The following SLC5A10 variants were observed in gnomAD, a reference collection of about 807,000 sequenced individuals.
SLC5A10 encodes sodium/mannose cotransporter SLC5A10.
A neutral mutation model predicts 68.9 loss-of-function variants in SLC5A10; 55 were observed. That is an observed-to-expected ratio of 0.80 (90% confidence interval 0.64 to 1.00). The LOEUF (loss-of-function observed/expected upper bound fraction) is 1.00. Ranked by LOEUF, SLC5A10 falls within the 50% of genes least tolerant of loss-of-function variation. SLC5A10 has a pLI of 0.00. For missense variants in SLC5A10, 732 were observed against 819.3 expected, an observed-to-expected ratio of 0.89 and a Z score of 1.30; for synonymous variants, 344 against 344.8, an observed-to-expected ratio of 1.00 and a Z score of 0.02.
intron 5 of SLC5A10, among the ~76,000 whole-genome samples, chr17:18,965,314 T>C (rs544714763): frequency 1.3e-5 from 2 of 152,100 alleles, no homozygotes; most frequent in South Asian, 4.1e-4. Context: ...ATGGCCTCCA[T>C]GGAAATGGGC....
intron 9 of SLC5A10, among the ~76,000 whole-genome samples, chr17:18,998,018 C>G (rs1478695012): frequency 2.6e-5 from 4 of 152,224 alleles, no homozygotes; most frequent in African/African-American, 4.8e-5. Context: ...AAGATAACAC[C>G]AGAGCTGGGG....
Position 18,969,369 on chromosome 17 carries a change from A to G in SLC5A10, c.587A>G (p.Asp196Gly). 1 of 1,613,628 alleles carries G rather than the reference A, an allele frequency of 6.2e-7. No homozygotes were observed. The highest frequency in any genetic ancestry group is 8.5e-7 in the Non-Finnish European group (1 of 1,180,008). The change falls in exon 7 of 15, where the codon GAC (aspartate) becomes GGC (glycine). Residue 196 changes from aspartate (D) to glycine (G), a missense_variant. Transcript: ENST00000395645. ...AGGLAAVIYT[D>G]ALQTLIMVVG... ...GGCCTGGCTGCTGTAATCTACACGGACGCCCTGCAGACGCTCATCATGGTG... is the reference window on the plus strand; with the variant it reads ...GGCCTGGCTGCTGTAATCTACACGGGCGCCCTGCAGACGCTCATCATGGTG...
At chr17:18,958,817 G>A in intron 2 of SLC5A10, 64 bp downstream of exon 2, 1 of 1,567,650 alleles carries the variant, frequency 6.4e-7, no homozygotes, top group African/African-American at 1.3e-5. Flanking sequence ...TGATCTCTAG[G>A]TCACCTGGCA....
At chr17:18,983,604 AG>A in intron 9 of SLC5A10, among the ~76,000 whole-genome samples, 1 of 152,296 alleles carries the variant, frequency 6.6e-6, no homozygotes, top group East Asian at 1.9e-4. Flanking sequence ...GAGGAATGCA[AG>A]GAACAGAGCC....
chr17:18,952,266 A>G lies in SLC5A10; in HGVS notation c.61A>G (p.Ile21Val). 6.2e-7 allele frequency: 1 copy of G among 1,613,980 alleles called. No individual in the cohort carries two copies. Among genetic ancestry groups the G allele is most frequent in the Admixed American group, 1.7e-5 (1 of 60,004 alleles). ...CGGGACGCAGCTGAGCGTGGCTGAC[A>G]TCATCGTCATCACTGTGTATTTTGC... The part of the protein sequence containing the change: ...TPGTQLSVAD[I>V]IVITVYFALN... The change falls in exon 1 of 15, where the codon ATC becomes GTC. Residue 21 changes from isoleucine (I) to valine (V), a missense_variant. Physicochemically the swap from Ile to Val is conservative, Grantham distance 29. Transcript: ENST00000395645.
In SLC5A10 at chr17:18,959,132, C is replaced by A; in HGVS notation, c.184-3C>A. ...CTGATGCGTTTCCCTTTCTCTCCTCCAGATTGGAGCCTCCCTCTTCGCCAG... is the reference window on the plus strand; with the variant it reads ...CTGATGCGTTTCCCTTTCTCTCCTCAAGATTGGAGCCTCCCTCTTCGCCAG... On this transcript the variant is annotated splice_polypyrimidine_tract_variant and splice_region_variant and intron_variant, in intron 2 of 14. Coordinates refer to ENST00000395645, the MANE Select transcript of SLC5A10 (RefSeq NM_001042450.4). The A allele has an allele frequency of 6.2e-7, 1 of 1,607,870 alleles. No individual in the cohort carries two copies. Among genetic ancestry groups the A allele is most frequent in the Admixed American group, 1.7e-5 (1 of 59,848 alleles).
Position 19,021,895 on chromosome 17 carries a change from C to A in SLC5A10, c.*1464C>A. On this transcript the variant is annotated 3_prime_UTR_variant, in exon 15 of 15. Transcript: ENST00000395645. The surrounding 1 kb of genome is among the most constrained non-coding windows in gnomAD (Gnocchi z 4.1). Reference sequence around the variant, plus strand: ...TGACTCTGACAGAGCTGGGGGTGTCCATGTCCTCTCTGGACCTCAGTTCCT... The same window carrying A: ...TGACTCTGACAGAGCTGGGGGTGTCAATGTCCTCTCTGGACCTCAGTTCCT... 7.1e-7 allele frequency: 1 copy of A among 1,418,264 alleles called. No individual in the cohort carries two copies. Among genetic ancestry groups the A allele is most frequent in the African/African-American group, 1.5e-5 (1 of 68,498 alleles). The allele number at this position is 1,418,264 out of a possible 1,614,324, so 87.9% of individuals were successfully genotyped here.
chr17:18,992,842 G>A (rs1030822785), intron 9 of SLC5A10, among the ~76,000 whole-genome samples: 6 of 152,132 alleles, frequency 3.9e-5, no homozygotes, highest in East Asian at 1.9e-4. Context: ...ATCTCATTGC[G>A]CCCACAGGTC....
At position 19,021,681 on chromosome 17, in the gene SLC5A10, G is replaced by T; in HGVS notation, c.*1250G>T. 2.5e-6 allele frequency: 1 copy of T among 398,522 alleles called. No homozygotes were observed. Among genetic ancestry groups the T allele is most frequent in the Non-Finnish European group, 4.4e-6 (1 of 226,508 alleles). The allele number at this position is 398,522 out of a possible 1,614,324, so 24.7% of individuals were successfully genotyped here. A position where few individuals can be genotyped will look rare whatever the true frequency, so the allele number is the denominator to read the frequency against. ...GCCATTGACAAGAGGAGGTGGGCGG[G>T]GCCTCCACAGACTCCGCCCTGTGGT... On this transcript the variant is annotated 3_prime_UTR_variant, in exon 15 of 15. Coordinates refer to ENST00000395645, the MANE Select transcript of SLC5A10 (RefSeq NM_001042450.4). The surrounding 1 kb of genome is among the most constrained non-coding windows in gnomAD (Gnocchi z 4.1).
At chr17:18,973,884 GTTTTTT>G (rs35778801) in intron 8 of SLC5A10, among the ~76,000 whole-genome samples, 2,455 of 95,718 alleles carry the variant, frequency 0.026, 37 homozygotes, top group Admixed American at 0.038. Flanking sequence ...TTTTTTTTAA[GTTTTTT>G]TTTTTTTTTT....
intron 1 of SLC5A10, among the ~76,000 whole-genome samples, chr17:18,952,889 T>C (rs888059954): frequency 6.6e-6 from 1 of 152,102 alleles, no homozygotes; most frequent in Admixed American, 6.5e-5. Context: ...GCGGGGCCCC[T>C]GGGGACAGGC....
chr17:18,970,864 C>T (rs1459686915), intron 7 of SLC5A10, 149 bp from the exon 8 acceptor site: 1 of 668,966 alleles, frequency 1.5e-6, no homozygotes, highest in African/African-American at 1.8e-5. Context: ...TCTACCCTCA[C>T]ACCTTTCCAA....
At chr17:18,981,096 G>A (rs1381747235) in intron 9 of SLC5A10, among the ~76,000 whole-genome samples, 1 of 152,234 alleles carries the variant, frequency 6.6e-6, no homozygotes, top group Non-Finnish European at 1.5e-5. Context: ...CTGCAGAGAT[G>A]CCTGTGATGA....
In SLC5A10 at chr17:19,003,533, C is replaced by G. The variant is rs2152142992; in HGVS notation, c.983-9877C>G. ...GCGCTGCCTCACCTTCTGTGCCTGG[C>G]TGATCATCTTCCGCACCACCTCTTT... On this transcript the variant is annotated intron_variant, in intron 9 of 14. Coordinates refer to ENST00000395645, the MANE Select transcript of SLC5A10 (RefSeq NM_001042450.4). The surrounding 1 kb of genome is among the most constrained non-coding windows in gnomAD (Gnocchi z 4.5). 6.5e-7 allele frequency: 1 copy of G among 1,538,240 alleles called. No individual in the cohort carries two copies. The highest frequency in any genetic ancestry group is 1.7e-4 in the Middle Eastern group (1 of 5,722).
At chr17:18,964,066 CTCCCTCATG>C (rs1332035362) in intron 5 of SLC5A10, among the ~76,000 whole-genome samples, 1 of 152,186 alleles carries the variant, frequency 6.6e-6, no homozygotes, top group African/African-American at 2.4e-5. Context: ...ATCCACGTGG[CTCCCTCATG>C]TCCCTCAAGC....
At chr17:18,999,627 G>C (rs2152139982) in intron 9 of SLC5A10, among the ~76,000 whole-genome samples, 1 of 152,350 alleles carries the variant, frequency 6.6e-6, no homozygotes, top group Non-Finnish European at 1.5e-5. Flanking sequence ...CATTTAGTAA[G>C]CACCTCATTA....
chr17:18,980,212 A>G (rs1012654287), intron 9 of SLC5A10, among the ~76,000 whole-genome samples: 2 of 151,998 alleles, frequency 1.3e-5, no homozygotes, highest in African/African-American at 4.8e-5. Flanking sequence ...TGTGCTTCTC[A>G]ACACCCCTGT....
Position 19,003,883 on chromosome 17 carries a change from C to G in SLC5A10, c.983-9527C>G. 1 of 1,613,080 alleles carries G rather than the reference C, an allele frequency of 6.2e-7. No homozygotes were observed. The highest frequency in any genetic ancestry group is 8.5e-7 in the Non-Finnish European group (1 of 1,179,950). On this transcript the variant is annotated intron_variant, in intron 9 of 14. Transcript: ENST00000395645. The surrounding 1 kb of genome is among the most constrained non-coding windows in gnomAD (Gnocchi z 4.5). ...GCTCCGAGAGGAAGTCTCGGATGTT[C>G]TCCCGCTTGAGCACCTCGTAGAAGG... is the stretch of plus-strand genomic sequence containing the variant.
At position 18,980,007 on chromosome 17, in the gene SLC5A10, C is replaced by T. The variant is rs570574791; in HGVS notation, c.982+3018C>T. ...AGCCAGCCAGCTTGGGAAATGCTGC[C>T]GTGGGTGGTGGATGCTATGGTGGGG... On this transcript the variant is annotated intron_variant, in intron 9 of 14. Transcript: ENST00000395645. Among the ~76,000 whole-genome samples the T allele has an allele frequency of 2.0e-5, 3 of 152,190 alleles. No homozygotes were observed. In the South Asian group the frequency reaches 6.2e-4, roughly 32 times the overall value.
Sources: allele counts gnomAD v4.1 joint callset (sites outside exome capture counted in the v4.1 genomes callset), GRCh38; gene constraint gnomAD v4.1.1; non-coding constraint Gnocchi (gnomAD v3.1); transcripts MANE v1.5; gene names NCBI Gene and HGNC (gene_info 2026-07-23, HGNC 2026-07-21).